The following ADARB2 variants were observed in gnomAD, a reference collection of about 807,000 sequenced individuals.
ADARB2 encodes adenosine deaminase RNA specific B2 (inactive).
Under a neutral mutation model 62.2 loss-of-function variants are expected in ADARB2, and 25 were observed. The ratio of observed to expected loss-of-function variants is 0.40; its 90% CI spans 0.29 to 0.56. ADARB2 has a LOEUF of 0.56. ADARB2 is among the 20% of genes least tolerant of loss of function. ADARB2 has a pLI of 0.43. For missense variants in ADARB2, 1,071 were observed against 1,077.4 expected, an observed-to-expected ratio of 0.99 and a Z score of 0.08; for synonymous variants, 572 against 500.8, an observed-to-expected ratio of 1.14 and a Z score of -1.90.
chr10:1,262,652 G>T (rs1225405099), intron 4 of ADARB2, among the ~76,000 whole-genome samples: 3 of 152,192 alleles, frequency 2.0e-5, no homozygotes, highest in Non-Finnish European at 4.4e-5. Context: ...AGAGGATGTG[G>T]AGAAATAGGA....
chr10:1,227,136 G>A (rs905102229), intron 6 of ADARB2, among the ~76,000 whole-genome samples: 2 of 152,182 alleles, frequency 1.3e-5, no homozygotes, highest in Admixed American at 1.3e-4. Context: ...CCTCACTGCC[G>A]CCTTGCAGTT....
intron 1 of ADARB2, among the ~76,000 whole-genome samples, chr10:1,537,394 G>C (rs966544404): frequency 6.6e-6 from 1 of 152,236 alleles, no homozygotes; most frequent in African/African-American, 2.4e-5. Context: ...AATTGCAGAA[G>C]ACAGTGCAAC....
chr10:1,504,947 CAG>C (rs537886810), intron 1 of ADARB2, among the ~76,000 whole-genome samples: 2 of 151,970 alleles, frequency 1.3e-5, no homozygotes, highest in Non-Finnish European at 2.9e-5. Context: ...TACATATACA[CAG>C]AGACACACAT....
chr10:1,692,726 A>G (rs553617140), intron 1 of ADARB2, among the ~76,000 whole-genome samples: 4 of 152,288 alleles, frequency 2.6e-5, no homozygotes, highest in African/African-American at 9.6e-5. Flanking sequence ...TTTTTTAAAA[A>G]CAATAAATAC....
At chr10:1,527,537 G>T (rs1832164165) in intron 1 of ADARB2, among the ~76,000 whole-genome samples, 1 of 152,196 alleles carries the variant, frequency 6.6e-6, no homozygotes, top group African/African-American at 2.4e-5. Flanking sequence ...CTGGCAAGAA[G>T]AATGCTGTTT....
In ADARB2 at chr10:1,400,649, C is replaced by A. The variant is rs146989282; in HGVS notation, c.101-21489G>T. Reference sequence around the variant, plus strand: ...CCTGAGCTACTGCCAGCCCGTGCTCCTCCTCTGGGTGGGGACAACGCAGTG... The same window carrying A: ...CCTGAGCTACTGCCAGCCCGTGCTCATCCTCTGGGTGGGGACAACGCAGTG... On this transcript the variant is annotated intron_variant, in intron 1 of 9. Transcript: ENST00000381312. Among the ~76,000 whole-genome samples, 151 of 152,328 alleles carry A rather than the reference C, an allele frequency of 9.9e-4. 2 individuals are homozygous for A. Among genetic ancestry groups the A allele is most frequent in the Middle Eastern group, 6.8e-3 (2 of 294 alleles).
chr10:1,295,073 C>T (rs58472735), intron 3 of ADARB2, among the ~76,000 whole-genome samples: 3,883 of 152,280 alleles, frequency 0.025, 160 homozygotes, highest in African/African-American at 0.087. Flanking sequence ...ATCTTCATTA[C>T]GTGTGTTCCT....
intron 1 of ADARB2, among the ~76,000 whole-genome samples, chr10:1,437,565 T>A (rs183643401): frequency 9.5e-4 from 144 of 152,214 alleles, no homozygotes; most frequent in Admixed American, 1.6e-3. Context: ...AAAAGGCATC[T>A]CCTGCCCTAA....
intron 1 of ADARB2, among the ~76,000 whole-genome samples, chr10:1,717,591 T>C (rs1000386594): frequency 2.0e-5 from 3 of 151,738 alleles, no homozygotes; most frequent in African/African-American, 4.9e-5. Flanking sequence ...TTCTTTCTTC[T>C]TTTTTTGAGA....
chr10:1,273,465 A>G (rs1831283930), intron 3 of ADARB2, among the ~76,000 whole-genome samples: 1 of 152,062 alleles, frequency 6.6e-6, no homozygotes, highest in Non-Finnish European at 1.5e-5. Flanking sequence ...CAAATCACAC[A>G]CAGTTGCCAT....
At chr10:1,615,032 TCTA>T (rs1349170000) in intron 1 of ADARB2, among the ~76,000 whole-genome samples, 1 of 152,182 alleles carries the variant, frequency 6.6e-6, no homozygotes, top group African/African-American at 2.4e-5. Context: ...TACACCTCGG[TCTA>T]CTGAGAAGTG....
intron 1 of ADARB2, among the ~76,000 whole-genome samples, chr10:1,729,832 T>C: frequency 6.6e-6 from 1 of 152,196 alleles, no homozygotes; most frequent in Non-Finnish European, 1.5e-5. Flanking sequence ...CCCATCCTAT[T>C]TTAATACCAC....
intron 1 of ADARB2, among the ~76,000 whole-genome samples, chr10:1,429,264 A>G (rs1830753254): frequency 6.6e-6 from 1 of 152,254 alleles, no homozygotes; most frequent in African/African-American, 2.4e-5. Context: ...ATGTTTGCAC[A>G]AATCTCATAA....
intron 3 of ADARB2, among the ~76,000 whole-genome samples, chr10:1,342,341 C>T (rs1262413170): frequency 6.6e-6 from 1 of 152,194 alleles, no homozygotes; most frequent in Non-Finnish European, 1.5e-5. Flanking sequence ...GGACTGACAC[C>T]AACAGGGCCT....
At chr10:1,315,907 T>G (rs571867411) in intron 3 of ADARB2, among the ~76,000 whole-genome samples, 39 of 152,366 alleles carry the variant, frequency 2.6e-4, no homozygotes, top group Non-Finnish European at 4.7e-4. Context: ...TTTCAAACAT[T>G]TTCCTCTGAT....
At chr10:1,659,531 C>T (rs948140088) in intron 1 of ADARB2, among the ~76,000 whole-genome samples, 11 of 152,256 alleles carry the variant, frequency 7.2e-5, no homozygotes, top group East Asian at 3.8e-4. Flanking sequence ...CTGCCGGCCC[C>T]GGTCACTTTA....
intron 1 of ADARB2, among the ~76,000 whole-genome samples, chr10:1,589,758 C>T (rs1335053470): frequency 6.6e-6 from 1 of 152,236 alleles, no homozygotes; most frequent in Non-Finnish European, 1.5e-5. Flanking sequence ...ACCACAACCT[C>T]CGCTTCCTGA....
chr10:1,402,245 T>A (rs1041607677), intron 1 of ADARB2, among the ~76,000 whole-genome samples: 1 of 152,112 alleles, frequency 6.6e-6, no homozygotes, highest in East Asian at 1.9e-4. Context: ...TGGTCCAAAG[T>A]CAGTGTTTAC....
intron 1 of ADARB2, among the ~76,000 whole-genome samples, chr10:1,614,114 G>A (rs577960486): frequency 2.0e-5 from 3 of 152,210 alleles, no homozygotes; most frequent in African/African-American, 7.2e-5. Flanking sequence ...AACCACCGAG[G>A]CTGTTAAAGA....
Sources: gnomAD v4.1 joint callset for allele counts (sites outside exome capture counted in the v4.1 genomes callset) on GRCh38, gnomAD v4.1.1 for gene constraint, MANE v1.5 for transcripts, NCBI Gene and HGNC (gene_info 2026-07-23, HGNC 2026-07-21) for gene names.